Variants in MAGI2 observed in about 807,000 individuals in gnomAD.
MAGI2 encodes the protein membrane associated guanylate kinase, WW and PDZ domain containing 2, also known as membrane-associated guanylate kinase, WW and PDZ domain-containing protein 2.
A neutral mutation model predicts 133.3 loss-of-function variants in MAGI2; 35 were observed. The ratio of observed to expected loss-of-function variants is 0.26; its 90% CI spans 0.20 to 0.35. The LOEUF (loss-of-function observed/expected upper bound fraction) is 0.35. MAGI2 is among the 10% of genes least tolerant of loss of function. The pLI is 1.00. For synonymous variants in MAGI2, 729 were observed against 710.6 expected, an observed-to-expected ratio of 1.03 and a Z score of -0.41; for missense variants, 1,636 against 1,863.4, an observed-to-expected ratio of 0.88 and a Z score of 2.25.
intron 1 of MAGI2, among the ~76,000 whole-genome samples, chr7:79,416,846 T>C (rs1846566028): frequency 6.6e-6 from 1 of 150,544 alleles, no homozygotes; most frequent in Non-Finnish European, 1.5e-5. Flanking sequence ...GCGATTATCC[T>C]GCCTTAGCCT....
chr7:78,380,528 G>T lies in MAGI2; in HGVS notation c.1046-11315C>A, dbSNP rs1164605874. On this transcript the variant is annotated intron_variant, in intron 6 of 21. Coordinates refer to ENST00000354212, the MANE Select transcript of MAGI2 (RefSeq NM_012301.4). ...AAATGTCACATGTTCTCACCCAGCT[G>T]TGGGAGCTAAAACTTGAAACAACCG... 7.2e-5 allele frequency among the ~76,000 whole-genome samples: 11 copies of T among 152,218 alleles called. No homozygotes were observed. The South Asian group carries it at 2.1e-3, about 29-fold the overall frequency.
At chr7:78,398,676 G>C (rs1314828480) in intron 6 of MAGI2, among the ~76,000 whole-genome samples, 1 of 151,710 alleles carries the variant, frequency 6.6e-6, no homozygotes, top group East Asian at 1.9e-4. Flanking sequence ...AGAAAGGTAG[G>C]GCCCCAACTC....
intron 6 of MAGI2, among the ~76,000 whole-genome samples, chr7:78,437,081 A>G (rs1471184832): frequency 6.6e-6 from 1 of 150,812 alleles, no homozygotes; most frequent in Non-Finnish European, 1.5e-5. Flanking sequence ...AGGATGCAGG[A>G]AAATTCCCTA....
At chr7:78,425,796 T>C (rs1231229142) in intron 6 of MAGI2, among the ~76,000 whole-genome samples, 4 of 152,240 alleles carry the variant, frequency 2.6e-5, no homozygotes, top group Admixed American at 6.5e-5. Context: ...AGGCATATCA[T>C]TGGGTTAAGT....
chr7:78,352,049 AGTT>A (rs1435958968), intron 7 of MAGI2: 4 of 152,178 alleles, frequency 2.6e-5, no homozygotes, highest in African/African-American at 9.7e-5. Context: ...CACCTTACAG[AGTT>A]GTTGTGCATA....
At chr7:78,732,957 T>G (rs1317736378) in intron 2 of MAGI2, among the ~76,000 whole-genome samples, 1 of 152,106 alleles carries the variant, frequency 6.6e-6, no homozygotes, top group Non-Finnish European at 1.5e-5. Context: ...TGTGGGACTG[T>G]TTATTCTAGG....
rs534812306 is a variant in MAGI2, at chr7:78,290,937, G to C, written c.1409-34356C>G. ...GAATCTCTGGGATACATTTAAAGCA[G>C]TGTGTAGAGGGAAATTTATAGCACT... On this transcript the variant is annotated intron_variant, in intron 9 of 21. Transcript: ENST00000354212. Among the ~76,000 whole-genome samples the C allele has an allele frequency of 3.9e-5, 6 of 152,334 alleles. No individual in the cohort carries two copies. In the East Asian group the frequency reaches 1.2e-3, roughly 29 times the overall value.
chr7:78,297,985 T>TAAA (rs1797450607), intron 9 of MAGI2, among the ~76,000 whole-genome samples: 1 of 72,216 alleles, frequency 1.4e-5, no homozygotes, highest in Non-Finnish European at 2.4e-5. Context: ...TAAAGTATAA[T>TAAA]TAAAAAAAAA....
chr7:79,226,820 A>G (rs190386275), intron 1 of MAGI2, among the ~76,000 whole-genome samples: 1 of 152,292 alleles, frequency 6.6e-6, no homozygotes, highest in Admixed American at 6.5e-5. Flanking sequence ...TTACTTGAAG[A>G]AAGTGTCCAT....
At chr7:79,256,281 T>C (rs2129556044) in intron 1 of MAGI2, among the ~76,000 whole-genome samples, 1 of 152,258 alleles carries the variant, frequency 6.6e-6, no homozygotes, top group East Asian at 1.9e-4. Context: ...CTACAAATTG[T>C]TACTTTTAGA....
At chr7:79,397,760 C>A (rs926358098) in intron 1 of MAGI2, among the ~76,000 whole-genome samples, 1 of 152,192 alleles carries the variant, frequency 6.6e-6, no homozygotes, top group East Asian at 1.9e-4. Flanking sequence ...GCTCATTCTG[C>A]CTCCCCCTCC....
chr7:78,297,740 AAC>A (rs1797414384), intron 9 of MAGI2, among the ~76,000 whole-genome samples: 1 of 150,716 alleles, frequency 6.6e-6, no homozygotes, highest in African/African-American at 2.4e-5. Flanking sequence ...CAAAAAACCA[AAC>A]ACCGCATATT....
At chr7:79,072,726 C>G (rs961654631) in intron 1 of MAGI2, among the ~76,000 whole-genome samples, 3 of 152,058 alleles carry the variant, frequency 2.0e-5, no homozygotes, top group African/African-American at 7.2e-5. Flanking sequence ...ATGCATAGAC[C>G]AGGCAGAAGT....
intron 1 of MAGI2, among the ~76,000 whole-genome samples, chr7:79,390,713 C>T (rs10275975): frequency 0.16 from 23,831 of 152,094 alleles, 2,139 homozygotes; most frequent in African/African-American, 0.23. Context: ...TCCCCTCTTC[C>T]TATTCTTCGA....
intron 2 of MAGI2, among the ~76,000 whole-genome samples, chr7:78,898,816 T>C (rs1450354939): frequency 6.6e-6 from 1 of 152,194 alleles, no homozygotes; most frequent in Non-Finnish European, 1.5e-5. Flanking sequence ...TTTTTTGAAA[T>C]AAGTAAATAT....
In MAGI2 at chr7:78,046,872, C is replaced by T. The variant is rs1328749749; in HGVS notation, c.3707-26896G>A. Among the ~76,000 whole-genome samples the T allele has an allele frequency of 3.3e-5, 5 of 152,092 alleles. No individual in the cohort carries two copies. The East Asian group carries it at 5.8e-4, about 18-fold the overall frequency. On this transcript the variant is annotated intron_variant, in intron 21 of 21. Transcript: ENST00000354212. ...GTCTTGAGATGGTATCATAAGTATGCGAATAAAATGTTCTTCCCTAATGAA... is the reference window on the plus strand; with the variant it reads ...GTCTTGAGATGGTATCATAAGTATGTGAATAAAATGTTCTTCCCTAATGAA...
At chr7:79,166,202 A>G (rs1824889419) in intron 1 of MAGI2, among the ~76,000 whole-genome samples, 2 of 152,104 alleles carry the variant, frequency 1.3e-5, no homozygotes, top group South Asian at 2.1e-4. Flanking sequence ...ATAATGAGAT[A>G]GTCACTTATC....
intron 6 of MAGI2, among the ~76,000 whole-genome samples, chr7:78,477,168 T>C (rs1196672132): frequency 6.6e-6 from 1 of 151,980 alleles, no homozygotes; most frequent in Non-Finnish European, 1.5e-5. Context: ...CTTTCTGCAT[T>C]GTTGAGCAAA....
At chr7:79,443,292 G>GCA (rs1848621009) in intron 1 of MAGI2, among the ~76,000 whole-genome samples, 3 of 149,952 alleles carry the variant, frequency 2.0e-5, no homozygotes, top group Non-Finnish European at 3.0e-5. Flanking sequence ...GTGCGTGTGT[G>GCA]TGTGTGTGTG....
Sources: gnomAD v4.1 joint callset for allele counts (sites outside exome capture counted in the v4.1 genomes callset) on GRCh38, gnomAD v4.1.1 for gene constraint, MANE v1.5 for transcripts, NCBI Gene and HGNC (gene_info 2026-07-23, HGNC 2026-07-21) for gene names.